Variants in SEMA6D observed in about 807,000 individuals in gnomAD.
SEMA6D encodes semaphorin 6D.
In SEMA6D, 35 loss-of-function variants were observed where a neutral mutation model predicts 106.6. The observed-to-expected ratio is 0.33, with a 90% confidence interval of 0.25 to 0.44. The LOEUF is 0.44. Among genes scored for constraint, SEMA6D ranks in the 20% least tolerant of loss-of-function variants. SEMA6D has a pLI of 1.00. For missense variants in SEMA6D, 1,185 were observed against 1,345.9 expected, an observed-to-expected ratio of 0.88 and a Z score of 1.87; for synonymous variants, 499 against 487.7, an observed-to-expected ratio of 1.02 and a Z score of -0.31.
intron 3 of SEMA6D, among the ~76,000 whole-genome samples, chr15:47,555,215 T>C (rs1239339095): frequency 6.6e-6 from 1 of 152,098 alleles, no homozygotes; most frequent in Admixed American, 6.5e-5. Flanking sequence ...AGCCCAGATG[T>C]ACCCCTTTCA....
intron 1 of SEMA6D, among the ~76,000 whole-genome samples, chr15:47,278,433 G>A (rs1279002975): frequency 6.6e-6 from 1 of 152,066 alleles, no homozygotes; most frequent in African/African-American, 2.4e-5. Flanking sequence ...GTCTGTTGAT[G>A]TCCTTTGCCC....
chr15:47,193,073 T>C (rs544389260), intron 1 of SEMA6D, among the ~76,000 whole-genome samples: 1 of 152,298 alleles, frequency 6.6e-6, no homozygotes, highest in East Asian at 1.9e-4. Context: ...CGCTTGCCCT[T>C]GCAGAAACAA....
intron 4 of SEMA6D, among the ~76,000 whole-genome samples, chr15:47,602,100 A>C (rs1246231366): frequency 1.3e-5 from 2 of 152,216 alleles, no homozygotes; most frequent in Non-Finnish European, 2.9e-5. Context: ...TACTCTATGA[A>C]ACAGAAACAT....
At chr15:47,705,753 G>A (rs1474237525) in intron 4 of SEMA6D, among the ~76,000 whole-genome samples, 2 of 152,100 alleles carry the variant, frequency 1.3e-5, no homozygotes, top group Admixed American at 1.3e-4. Flanking sequence ...ATTGACTTAC[G>A]CTATCAAGAG....
At chr15:47,224,818 T>C (rs1395284383) in intron 1 of SEMA6D, among the ~76,000 whole-genome samples, 2 of 152,012 alleles carry the variant, frequency 1.3e-5, no homozygotes, top group African/African-American at 2.4e-5. Flanking sequence ...CATCTTGATC[T>C]CCTACTTCCT....
chr15:47,773,613 T>C lies in SEMA6D; in HGVS notation c.*1828T>C, dbSNP rs2082725055. 6.6e-6 allele frequency: 1 copy of C among 152,420 alleles called. No homozygotes were observed. Among genetic ancestry groups the C allele is most frequent in the African/African-American group, 2.4e-5 (1 of 41,458 alleles). The allele number at this position is 152,420 out of a possible 1,614,324, so 9.4% of individuals were successfully genotyped here. On this transcript the variant is annotated 3_prime_UTR_variant, in exon 19 of 19. Transcript: ENST00000536845. ...ATGTTGCAGAAGACCAGATCATTTT[T>C]ATACAGAATGTGAAATACTGATACA... is the stretch of plus-strand genomic sequence containing the variant.
chr15:47,295,883 A>G lies in SEMA6D; in HGVS notation c.-239+111465A>G, dbSNP rs74436806. Among the ~76,000 whole-genome samples the G allele has an allele frequency of 5.0e-4, 76 of 152,302 alleles. No homozygotes were observed. In the East Asian group the frequency reaches 0.014, roughly 28 times the overall value. ...CCTTTCAAACTCACCTGTCACAAGT[A>G]GGTTCCATTTTTAGCTCCACCTCTG... is the stretch of plus-strand genomic sequence containing the variant. On this transcript the variant is annotated intron_variant, in intron 1 of 19. Coordinates refer to the SEMA6D transcript ENST00000558014.
intron 1 of SEMA6D, among the ~76,000 whole-genome samples, chr15:47,728,317 T>C (rs2146570223): frequency 1.3e-5 from 2 of 152,350 alleles, no homozygotes; most frequent in Middle Eastern, 6.8e-3. Context: ...TAGGTGCTGC[T>C]CTAGTGAAAA....
intron 4 of SEMA6D, among the ~76,000 whole-genome samples, chr15:47,656,242 A>G (rs1254428329): frequency 2.0e-5 from 3 of 152,230 alleles, no homozygotes; most frequent in Non-Finnish European, 4.4e-5. Context: ...CACATATCAA[A>G]CAAGGTTATG....
intron 3 of SEMA6D, among the ~76,000 whole-genome samples, chr15:47,492,752 T>C (rs532532048): frequency 2.6e-4 from 40 of 152,274 alleles, no homozygotes; most frequent in African/African-American, 8.9e-4. Context: ...GGAGGAAGCA[T>C]TGGCATAACT....
intron 4 of SEMA6D, among the ~76,000 whole-genome samples, chr15:47,711,101 AGAT>A (rs1438629332): frequency 6.6e-6 from 1 of 151,812 alleles, no homozygotes; most frequent in Non-Finnish European, 1.5e-5. Flanking sequence ...CGAGGTCAGG[AGAT>A]CGAGACCATC....
chr15:47,200,011 G>A (rs902526922), intron 1 of SEMA6D, among the ~76,000 whole-genome samples: 4 of 152,040 alleles, frequency 2.6e-5, no homozygotes, highest in South Asian at 2.1e-4. Context: ...AGCCAGTTGC[G>A]GTAGAACTGA....
At chr15:47,274,954 A>T (rs1380905177) in intron 1 of SEMA6D, 2 of 152,224 alleles carry the variant, frequency 1.3e-5, no homozygotes, top group African/African-American at 4.8e-5. Flanking sequence ...TGTTCTACCC[A>T]CCTGCACTGA....
At chr15:47,284,834 C>A (rs1251642409) in intron 1 of SEMA6D, among the ~76,000 whole-genome samples, 4 of 152,234 alleles carry the variant, frequency 2.6e-5, no homozygotes, top group East Asian at 1.9e-4. Context: ...AATGAGCAGA[C>A]CCGAAATCTT....
intron 1 of SEMA6D, among the ~76,000 whole-genome samples, chr15:47,727,605 T>C (rs1247944997): frequency 1.3e-5 from 2 of 152,076 alleles, no homozygotes; most frequent in Admixed American, 6.5e-5. Flanking sequence ...CCCAGCTAGC[T>C]CATGAAAGAC....
chr15:47,238,729 T>C (rs921325319), intron 1 of SEMA6D, among the ~76,000 whole-genome samples: 3 of 152,186 alleles, frequency 2.0e-5, no homozygotes, highest in Non-Finnish European at 4.4e-5. Context: ...CTGAGTTTGC[T>C]GGCAGCTATG....
intron 4 of SEMA6D, among the ~76,000 whole-genome samples, chr15:47,643,106 A>G (rs1007214159): frequency 6.6e-6 from 1 of 152,194 alleles, no homozygotes; most frequent in Non-Finnish European, 1.5e-5. Flanking sequence ...CACATGAGGA[A>G]AGGAGGTGTA....
At chr15:47,723,401 C>T (rs1370641826) in intron 1 of SEMA6D, among the ~76,000 whole-genome samples, 1 of 152,150 alleles carries the variant, frequency 6.6e-6, no homozygotes, top group Admixed American at 6.5e-5. Flanking sequence ...AGTGCTTCTG[C>T]GTCCGGGTGT....
At position 47,605,841 on chromosome 15, in the gene SEMA6D, G is replaced by A. The variant is rs192438854; in HGVS notation, c.-55+4945G>A. Among the ~76,000 whole-genome samples the A allele has an allele frequency of 4.3e-3, 659 of 152,310 alleles. 8 individuals are homozygous for A. Among genetic ancestry groups the A allele is most frequent in the Admixed American group, 7.7e-3 (118 of 15,298 alleles). On this transcript the variant is annotated intron_variant, in intron 4 of 19. Transcript: ENST00000558014. ...GCTCCTCCATGTGTTCACCAACCCA[G>A]AAGCTCTTCTAAACCTCCATTGTTT...
Sources: allele counts gnomAD v4.1 joint callset (sites outside exome capture counted in the v4.1 genomes callset), GRCh38; gene constraint gnomAD v4.1.1; transcripts MANE v1.5; gene names NCBI Gene and HGNC (gene_info 2026-07-23, HGNC 2026-07-21).